USP45: variants seen among roughly 807,000 people sequenced by gnomAD.
The protein encoded by USP45 is ubiquitin specific peptidase 45.
In USP45, 89 loss-of-function variants were observed where a neutral mutation model predicts 95.8. The observed-to-expected ratio is 0.93, with a 90% CI of 0.78 to 1.11. The LOEUF (loss-of-function observed/expected upper bound fraction) is 1.11, where lower values mean the gene tolerates loss of function less well. Ranked by LOEUF, USP45 falls within the 50% of genes least tolerant of loss-of-function variation. USP45 has a pLI of 0.00. For synonymous variants in USP45, 281 were observed against 316.2 expected, an observed-to-expected ratio of 0.89 and a Z score of 1.18; for missense variants, 898 against 942.5, an observed-to-expected ratio of 0.95 and a Z score of 0.62.
intron 5 of USP45, among the ~76,000 whole-genome samples, chr6:99,499,530 C>T (rs1796968616): frequency 6.6e-6 from 1 of 152,126 alleles, no homozygotes; most frequent in Non-Finnish European, 1.5e-5. Context: ...TCAAACTTGC[C>T]TGAGAGATCC....
chr6:99,516,006 T>A (rs796282902), upstream of USP45, among the ~76,000 whole-genome samples: 18 of 152,088 alleles, frequency 1.2e-4, no homozygotes, highest in African/African-American at 4.3e-4. Flanking sequence ...CTCGATCTCC[T>A]GACCTTGTGA....
At chr6:99,510,969 G>A (rs1203741286) in intron 1 of USP45, among the ~76,000 whole-genome samples, 2 of 152,146 alleles carry the variant, frequency 1.3e-5, no homozygotes, top group East Asian at 1.9e-4. Flanking sequence ...ATAGCTGTAA[G>A]CCAAGCATAG....
In USP45 at chr6:99,445,754, A is replaced by G; in HGVS notation, c.1975+43T>C. On this transcript the variant is annotated intron_variant, in intron 14 of 17. Transcript: ENST00000500704. ...CAGTGAAATTTGTAACTCACTAGACACTATCAGGAGATCAATAATTATGTA... is the reference window on the plus strand; with the variant it reads ...CAGTGAAATTTGTAACTCACTAGACGCTATCAGGAGATCAATAATTATGTA... The G allele has an allele frequency of 5.1e-6, 7 of 1,378,490 alleles. No individual in the cohort carries two copies. In the South Asian group the frequency reaches 8.9e-5, roughly 18 times the overall value. 85.4% of individuals were successfully genotyped at this position (1,378,490 alleles called of 1,614,324 possible).
Position 99,466,755 on chromosome 6 carries a change from T to C in USP45, c.1024A>G (p.Lys342Glu), listed in dbSNP as rs1222316808. The C allele has an allele frequency of 3.1e-6, 5 of 1,612,728 alleles. No homozygotes were observed. Among genetic ancestry groups the C allele is most frequent in the Non-Finnish European group, 4.2e-6 (5 of 1,179,232 alleles). Residue 342 changes from lysine (K) to glutamate (E), a missense_variant, in exon 11 of 18, where the codon AAA (lysine) becomes GAA (glutamate). Coordinates refer to ENST00000500704, the MANE Select transcript of USP45 (RefSeq NM_001346022.3). ...ETRKKVKAYG[K>E]EGVKMNFIDR... is the part of the protein sequence containing the mutation. ...ATGAAGTTCATTTTCACACCTTCTT[T>C]TCCATATGCTGTAAAAATCATACTT...
chr6:99,478,734 T>G (rs896107231), intron 8 of USP45, among the ~76,000 whole-genome samples: 16 of 152,144 alleles, frequency 1.1e-4, no homozygotes, highest in African/African-American at 3.4e-4. Flanking sequence ...CTGAAAGCCA[T>G]CACCCTAAGT....
At position 99,510,109 on chromosome 6, in the gene USP45, A is replaced by G. The variant is rs909056012; in HGVS notation, c.100+12T>C. The G allele has an allele frequency of 4.4e-6, 7 of 1,586,676 alleles. No homozygotes were observed. In the Admixed American group the frequency reaches 5.0e-5, roughly 11 times the overall value. ...CTCAACACTATTTGGGATGCCATATATCACAATTTACCAGCAATATCATCT... is the reference window on the plus strand; with the variant it reads ...CTCAACACTATTTGGGATGCCATATGTCACAATTTACCAGCAATATCATCT... On this transcript the variant is annotated intron_variant, in intron 2 of 17. Transcript: ENST00000500704.
rs540803758 is a variant in USP45, at chr6:99,446,684, T to C, written c.1309-221A>G. On this transcript the variant is annotated intron_variant, in intron 13 of 17. Coordinates refer to ENST00000500704, the MANE Select transcript of USP45 (RefSeq NM_001346022.3). ...CTAACAACAGTGTAACAGAGGCTAT[T>C]TGTGGGGAAGGAAATAGGACTTTTG... is the stretch of plus-strand genomic sequence containing the variant. 1.1e-3 allele frequency among the ~76,000 whole-genome samples: 163 copies of C among 152,316 alleles called. 1 individual carries two copies. Among genetic ancestry groups the C allele is most frequent in the African/African-American group, 3.7e-3 (155 of 41,574 alleles).
At chr6:99,476,502 C>A (rs2128678517) in intron 8 of USP45, among the ~76,000 whole-genome samples, 1 of 152,290 alleles carries the variant, frequency 6.6e-6, no homozygotes, top group African/African-American at 2.4e-5. Flanking sequence ...ACTTTTCCAA[C>A]TAAATAGATG....
At chr6:99,472,277 C>T (rs1789611738) in intron 9 of USP45, among the ~76,000 whole-genome samples, 1 of 147,348 alleles carries the variant, frequency 6.8e-6, no homozygotes, top group South Asian at 2.1e-4. Context: ...GAGTGCAGTG[C>T]CGCGATCACA....
At chr6:99,494,954 G>T (rs754889214) in intron 5 of USP45, among the ~76,000 whole-genome samples, 4 of 152,000 alleles carry the variant, frequency 2.6e-5, no homozygotes, top group Non-Finnish European at 5.9e-5. Context: ...AAACTCAAAA[G>T]TACCAGCAAA....
intron 17 of USP45, among the ~76,000 whole-genome samples, 157 bp from the exon 18 acceptor site, chr6:99,436,003 CTT>C (rs898462389): frequency 6.8e-6 from 1 of 147,768 alleles, no homozygotes; most frequent in African/African-American, 2.5e-5. Context: ...CCAAAAAGAA[CTT>C]TTTTTTTTTT....
chr6:99,473,359 G>C (rs1789928244), intron 9 of USP45, among the ~76,000 whole-genome samples: 1 of 151,242 alleles, frequency 6.6e-6, no homozygotes, highest in African/African-American at 2.4e-5. Flanking sequence ...GGCCAAAGTG[G>C]TAAAACCCTG....
Position 99,435,618 on chromosome 6 carries a change from C to A in USP45, c.*98G>T. On this transcript the variant is annotated 3_prime_UTR_variant, in exon 18 of 18. Coordinates refer to ENST00000500704, the MANE Select transcript of USP45 (RefSeq NM_001346022.3). ...AGGACCATTTGAGGAACATGCTATT[C>A]CTACAGAAGAGGGAAGACTAGAAAG... 1 of 1,057,616 alleles carries A rather than the reference C, an allele frequency of 9.5e-7. No individual in the cohort carries two copies. The highest frequency in any genetic ancestry group is 1.3e-6 in the Non-Finnish European group (1 of 767,950). The allele number at this position is 1,057,616 out of a possible 1,614,324, so 65.5% of individuals were successfully genotyped here.
chr6:99,448,824 T>C (rs922735567), intron 13 of USP45, among the ~76,000 whole-genome samples: 5 of 152,148 alleles, frequency 3.3e-5, no homozygotes, highest in African/African-American at 4.8e-5. Flanking sequence ...TAACAGCAGA[T>C]CTCTTGGCAG....
At chr6:99,482,630 GTTCTC>G in intron 8 of USP45, 118 bp downstream of exon 8, 3 of 934,610 alleles carry the variant, frequency 3.2e-6, no homozygotes, top group Non-Finnish European at 4.5e-6. Context: ...ACAAATTTTA[GTTCTC>G]TTCATAGTCA....
At chr6:99,487,633 CAAAAAAAA>C (rs11335830) in intron 7 of USP45, among the ~76,000 whole-genome samples, 2 of 106,390 alleles carry the variant, frequency 1.9e-5, no homozygotes, top group East Asian at 2.9e-4. Context: ...ACTAAAAATA[CAAAAAAAA>C]AAAAAAAAAA....
intron 15 of USP45, among the ~76,000 whole-genome samples, chr6:99,442,226 A>C (rs1781654444): frequency 6.6e-6 from 1 of 152,256 alleles, no homozygotes; most frequent in Non-Finnish European, 1.5e-5. Flanking sequence ...TAGCTTCTGC[A>C]ATCTGGCATT....
chr6:99,437,501 A>T, intron 16 of USP45, 102 bp from the exon 17 acceptor site: 1 of 1,172,412 alleles, frequency 8.5e-7, no homozygotes, highest in Non-Finnish European at 1.2e-6. Flanking sequence ...AAAAATGCAT[A>T]GTAAAACTGA....
At chr6:99,481,987 T>G (rs915873846) in intron 8 of USP45, among the ~76,000 whole-genome samples, 12 of 152,306 alleles carry the variant, frequency 7.9e-5, no homozygotes, top group African/African-American at 2.9e-4. Context: ...AGCCCTCTAT[T>G]TTGGACTATA....
Sources: allele counts gnomAD v4.1 joint callset (sites outside exome capture counted in the v4.1 genomes callset), GRCh38; gene constraint gnomAD v4.1.1; transcripts MANE v1.5; gene names NCBI Gene and HGNC (gene_info 2026-07-23, HGNC 2026-07-21).